Variants in NDUFA8 observed in about 807,000 individuals in gnomAD.
NDUFA8 encodes the protein NADH:ubiquinone oxidoreductase subunit A8.
A neutral mutation model predicts 20.9 loss-of-function variants in NDUFA8; 16 were observed. That is an observed-to-expected ratio of 0.77 (90% CI 0.52 to 1.16). The LOEUF is 1.16. Among genes scored for constraint, NDUFA8 ranks in the 50% most tolerant of loss-of-function variants. NDUFA8 has a pLI of 0.00. For missense variants in NDUFA8, 202 were observed against 216.4 expected (o/e 0.93, Z 0.42); for synonymous variants, 70 against 76.1 (o/e 0.92, Z 0.41).
the NDUFA8 span, among the ~76,000 whole-genome samples, chr9:122,137,238 CTTTT>C: frequency 3.8e-5 from 4 of 106,588 alleles, no homozygotes; most frequent in African/African-American, 1.2e-4. Context: ...TTTTCCTTTC[CTTTT>C]TTTTTTTTTT....
At chr9:122,141,213 A>C (rs748282237), downstream of NDUFA8, among the ~76,000 whole-genome samples, 11 of 152,200 alleles carry the variant, frequency 7.2e-5, no homozygotes, top group Admixed American at 2.0e-4. Flanking sequence ...GGCTAGGGCC[A>C]GGTTATGGAG....
chr9:122,157,969 C>A (rs1335120997), intron 1 of NDUFA8, among the ~76,000 whole-genome samples: 1 of 152,068 alleles, frequency 6.6e-6, no homozygotes, highest in African/African-American at 2.4e-5. Flanking sequence ...CTGGCTAACA[C>A]GGTGAAACCC....
At position 122,154,000 on chromosome 9, in the gene NDUFA8, T is replaced by C. The variant is rs117482796; in HGVS notation, c.52-1592A>G. 2.0e-5 allele frequency among the ~76,000 whole-genome samples: 3 copies of C among 152,318 alleles called. No homozygotes were observed. In the East Asian group the frequency reaches 5.8e-4, roughly 29 times the overall value. On this transcript the variant is annotated intron_variant, in intron 1 of 3. Transcript: ENST00000373768. ...AATTCTAGACATACTTGTTCTTTCC[T>C]CTCTGTAAGCACAGTTTCTGTGTTA...
chr9:122,154,273 G>A (rs1174774471), intron 1 of NDUFA8, among the ~76,000 whole-genome samples: 1 of 152,192 alleles, frequency 6.6e-6, no homozygotes, highest in Non-Finnish European at 1.5e-5. Context: ...CCCACTCTTT[G>A]CTAGAAAATG....
chr9:122,136,073 T>A, the NDUFA8 span, among the ~76,000 whole-genome samples: 1 of 152,246 alleles, frequency 6.6e-6, no homozygotes, highest in East Asian at 1.9e-4. Context: ...TTCGTCCTTT[T>A]CACAGCTGTT....
the NDUFA8 span, among the ~76,000 whole-genome samples, chr9:122,133,648 C>G: frequency 5.3e-5 from 8 of 151,852 alleles, no homozygotes; most frequent in Non-Finnish European, 1.2e-4. Flanking sequence ...AATGGACTGG[C>G]AGAGAGGAGA....
chr9:122,154,866 T>C (rs1829054935), intron 1 of NDUFA8, among the ~76,000 whole-genome samples: 1 of 152,238 alleles, frequency 6.6e-6, no homozygotes, highest in Admixed American at 6.5e-5. Context: ...TTTACTGTTG[T>C]TTTCTATACC....
At chr9:122,133,109 CAG>C in the NDUFA8 span, 1 of 445,166 alleles carries the variant, frequency 2.2e-6, no homozygotes, top group Non-Finnish European at 4.5e-6. Context: ...AATGAAGGCT[CAG>C]AGAATTGGAG....
chr9:122,133,565 G>A, the NDUFA8 span, among the ~76,000 whole-genome samples: 1 of 152,212 alleles, frequency 6.6e-6, no homozygotes, highest in African/African-American at 2.4e-5. Flanking sequence ...AGAAACAGGG[G>A]AATCAGTGGA....
the NDUFA8 span, among the ~76,000 whole-genome samples, chr9:122,134,552 A>G: frequency 6.6e-6 from 1 of 152,196 alleles, no homozygotes; most frequent in Non-Finnish European, 1.5e-5. Context: ...GGCCTTCTAC[A>G]GGCCTATTTC....
rs1564412688 is a variant in NDUFA8, at chr9:122,159,749, GACCGCC to G, written c.-78_-73del. 5.0e-6 allele frequency: 8 copies of G among 1,606,438 alleles called. No individual in the cohort carries two copies. In the African/African-American group the frequency reaches 1.1e-4, roughly 21 times the overall value. On this transcript the variant is annotated 5_prime_UTR_variant, in exon 1 of 4. Coordinates refer to ENST00000373768, the MANE Select transcript of NDUFA8 (RefSeq NM_014222.3). ...CCCCGTCTCCTTGAACTCCCCTTTC[GACCGCC>G]GAGTGCCACACGGCGCCTGCGCATG...
At chr9:122,153,890 A>G (rs1312712618) in intron 1 of NDUFA8, among the ~76,000 whole-genome samples, 1 of 152,174 alleles carries the variant, frequency 6.6e-6, no homozygotes. Flanking sequence ...ATCCTCAGAG[A>G]GCCTCTCTCT....
downstream of NDUFA8, among the ~76,000 whole-genome samples, chr9:122,141,331 G>A (rs751401620): frequency 1.3e-5 from 2 of 152,182 alleles, no homozygotes; most frequent in Non-Finnish European, 2.9e-5. Flanking sequence ...ATGGACTGGA[G>A]AGGGAGATGG....
chr9:122,159,492 TCGA>T, intron 1 of NDUFA8, 132 bp downstream of exon 1: 1 of 1,051,534 alleles, frequency 9.5e-7, no homozygotes, highest in African/African-American at 1.6e-5. Context: ...CCTCCGGGGG[TCGA>T]CCTGTATATG....
At chr9:122,147,121 C>T (rs1175121814) in intron 3 of NDUFA8, among the ~76,000 whole-genome samples, 10 of 152,174 alleles carry the variant, frequency 6.6e-5, no homozygotes, top group African/African-American at 2.4e-4. Flanking sequence ...ATTTAATCCT[C>T]AATTCTTCAA....
chr9:122,138,057 A>C, the NDUFA8 span, among the ~76,000 whole-genome samples: 25 of 152,228 alleles, frequency 1.6e-4, no homozygotes, highest in Middle Eastern at 6.4e-3. Context: ...CTGTGTGTTC[A>C]ACAATCAAAT....
At chr9:122,137,238 C>CTTTTTT in the NDUFA8 span, among the ~76,000 whole-genome samples, 1,286 of 106,476 alleles carry the variant, frequency 0.012, 14 homozygotes, top group Non-Finnish European at 0.017. Context: ...TTTTCCTTTC[C>CTTTTTT]TTTTTTTTTT....
Position 122,152,830 on chromosome 9 carries a change from A to G in NDUFA8, c.52-422T>C, listed in dbSNP as rs181562093. Among the ~76,000 whole-genome samples the G allele has an allele frequency of 2.4e-4, 37 of 152,314 alleles. 1 individual carries two copies. Among genetic ancestry groups the G allele is most frequent in the Admixed American group, 2.0e-3 (31 of 15,302 alleles). On this transcript the variant is annotated intron_variant, in intron 1 of 3. Transcript: ENST00000373768. ...GAGATTAATATTCCCATTTTAGAGC[A>G]GAAGAAATGGCACCCCTAATAGAAT... is the stretch of plus-strand genomic sequence containing the variant.
chr9:122,147,622 T>TTTC (rs997408876), intron 3 of NDUFA8, among the ~76,000 whole-genome samples: 2 of 144,398 alleles, frequency 1.4e-5, no homozygotes, highest in African/African-American at 5.2e-5. Flanking sequence ...AAGAAATTTT[T>TTTC]TTTTTTTTTT....
Sources: allele counts gnomAD v4.1 joint callset (sites outside exome capture counted in the v4.1 genomes callset), GRCh38; gene constraint gnomAD v4.1.1; transcripts MANE v1.5; gene names NCBI Gene and HGNC (gene_info 2026-07-23, HGNC 2026-07-21).